BMP2K: variants seen among roughly 807,000 people sequenced by gnomAD.
BMP2K encodes the protein BMP2 inducible kinase.
A neutral mutation model predicts 116.0 loss-of-function variants in BMP2K; 74 were observed. The observed-to-expected ratio is 0.64, with a 90% CI of 0.53 to 0.77. The LOEUF is 0.77. BMP2K is among the 30% of genes least tolerant of loss of function. BMP2K has a pLI of 0.00. For synonymous variants in BMP2K, 486 were observed against 502.5 expected (o/e 0.97, Z 0.44); for missense variants, 1,365 against 1,403.6 (o/e 0.97, Z 0.44).
chr4:78,894,763 A>G (rs975653158), intron 15 of BMP2K, among the ~76,000 whole-genome samples: 5 of 152,294 alleles, frequency 3.3e-5, no homozygotes, highest in African/African-American at 1.2e-4. Flanking sequence ...CTTTTGACCT[A>G]TCTCAGCTTT....
intron 14 of BMP2K, among the ~76,000 whole-genome samples, chr4:78,884,078 G>C (rs1310116719): frequency 1.3e-5 from 2 of 151,884 alleles, no homozygotes; most frequent in African/African-American, 2.4e-5. Flanking sequence ...GGGTGTGGTG[G>C]CTCCTGCCTA....
chr4:78,851,816 G>A (rs1731264997), intron 7 of BMP2K, among the ~76,000 whole-genome samples: 1 of 151,984 alleles, frequency 6.6e-6, no homozygotes, highest in Non-Finnish European at 1.5e-5. Flanking sequence ...ATTTATAAGA[G>A]TAGAATGTGG....
intron 14 of BMP2K, among the ~76,000 whole-genome samples, chr4:78,886,127 C>G (rs550105011): frequency 1.3e-3 from 191 of 152,264 alleles, no homozygotes; most frequent in Admixed American, 1.1e-3. Flanking sequence ...TCCCAGAGTG[C>G]TGGGATTATA....
chr4:78,876,760 G>A (rs985003799), intron 13 of BMP2K, among the ~76,000 whole-genome samples: 2 of 152,110 alleles, frequency 1.3e-5, no homozygotes, highest in Non-Finnish European at 2.9e-5. Context: ...ACATTGTCTC[G>A]TTCTTATGCT....
At chr4:78,851,999 C>T (rs76725846) in intron 7 of BMP2K, among the ~76,000 whole-genome samples, 3,198 of 151,744 alleles carry the variant, frequency 0.021, 102 homozygotes, top group African/African-American at 0.073. Context: ...TTATGAAGCT[C>T]GTGTAAATCA....
At chr4:78,783,696 C>T (rs1414175352) in intron 1 of BMP2K, among the ~76,000 whole-genome samples, 2 of 152,094 alleles carry the variant, frequency 1.3e-5, no homozygotes, top group Non-Finnish European at 2.9e-5. Flanking sequence ...ATAACAGCTA[C>T]TCATGAGGCT....
chr4:78,826,210 T>G, intron 2 of BMP2K, 55 bp downstream of exon 2: 1 of 1,422,534 alleles, frequency 7.0e-7, no homozygotes, highest in Non-Finnish European at 9.9e-7. Flanking sequence ...ATTTTTTATT[T>G]TTCTTGGGAT....
At chr4:78,898,390 G>A (rs563284254) in intron 15 of BMP2K, among the ~76,000 whole-genome samples, 14 of 151,970 alleles carry the variant, frequency 9.2e-5, no homozygotes, top group African/African-American at 3.1e-4. Context: ...TTAGATTCTA[G>A]TGTATGATTC....
chr4:78,836,522 C>T (rs35220769), intron 3 of BMP2K, among the ~76,000 whole-genome samples: 2,210 of 152,212 alleles, frequency 0.015, 26 homozygotes, highest in Admixed American at 0.028. Context: ...GGGGAGACTT[C>T]GATCATCCTG....
intron 1 of BMP2K, among the ~76,000 whole-genome samples, chr4:78,796,116 CA>C (rs1471803976): frequency 3.3e-5 from 5 of 152,030 alleles, no homozygotes; most frequent in African/African-American, 1.2e-4. Context: ...GCAGCATTCA[CA>C]ATAGCAAAGA....
At chr4:78,829,787 T>TTTTCTCTTTTCTCTTCTCTTCTCTTCTC in intron 2 of BMP2K, among the ~76,000 whole-genome samples, 1 of 86,594 alleles carries the variant, frequency 1.2e-5, no homozygotes, top group Non-Finnish European at 2.3e-5. Context: ...TTTCTTTTCT[T>TTTTCTCTTTTCTCTTCTCTTCTCTTCTC]TTCTCTTCTC....
chr4:78,822,239 C>G (rs1729653552), intron 1 of BMP2K, among the ~76,000 whole-genome samples: 1 of 152,162 alleles, frequency 6.6e-6, no homozygotes, highest in Admixed American at 6.5e-5. Context: ...ACTACTCTCT[C>G]ATTTTAATCT....
intron 15 of BMP2K, among the ~76,000 whole-genome samples, chr4:78,908,731 A>G (rs1734412027): frequency 6.6e-6 from 1 of 152,086 alleles, no homozygotes; most frequent in South Asian, 2.1e-4. Flanking sequence ...TCACTTTCCA[A>G]CTTACTCATT....
At chr4:78,794,622 G>A (rs1728165238) in intron 1 of BMP2K, among the ~76,000 whole-genome samples, 1 of 152,092 alleles carries the variant, frequency 6.6e-6, no homozygotes, top group Admixed American at 6.5e-5. Flanking sequence ...CATGGTAGTA[G>A]CATGATCTTG....
chr4:78,890,704 T>C lies in BMP2K; in HGVS notation c.2062+3420T>C, dbSNP rs140901262. 1.2e-4 allele frequency among the ~76,000 whole-genome samples: 19 copies of C among 152,358 alleles called. No individual in the cohort carries two copies. In the East Asian group the frequency reaches 3.5e-3, roughly 28 times the overall value. On this transcript the variant is annotated intron_variant, in intron 15 of 15. Transcript: ENST00000502613. ...AGTTTAAGGTGGCTATCATTTTCAT[T>C]CTTCATTACATCTCTCATGGAGCTC...
chr4:78,864,387 A>C (rs957697228), intron 9 of BMP2K, among the ~76,000 whole-genome samples: 2 of 151,820 alleles, frequency 1.3e-5, no homozygotes, highest in African/African-American at 4.8e-5. Context: ...GATTACATAT[A>C]TATATACACC....
chr4:78,816,566 C>T (rs1219912563), intron 1 of BMP2K, among the ~76,000 whole-genome samples: 2 of 152,108 alleles, frequency 1.3e-5, no homozygotes, highest in Non-Finnish European at 2.9e-5. Flanking sequence ...TTAATGGTAT[C>T]TACTTTTATT....
intron 14 of BMP2K, among the ~76,000 whole-genome samples, chr4:78,884,151 G>C (rs1194134244): frequency 6.6e-6 from 1 of 152,008 alleles, no homozygotes; most frequent in Non-Finnish European, 1.5e-5. Flanking sequence ...GGGCAACATA[G>C]AGCTTATCTC....
At chr4:78,795,692 G>GA (rs1273906417) in intron 1 of BMP2K, among the ~76,000 whole-genome samples, 1 of 151,668 alleles carries the variant, frequency 6.6e-6, no homozygotes, top group African/African-American at 2.4e-5. Context: ...AAATTTCCAA[G>GA]AAAAAAACAA....
Sources: allele counts gnomAD v4.1 joint callset (sites outside exome capture counted in the v4.1 genomes callset), GRCh38; gene constraint gnomAD v4.1.1; transcripts MANE v1.5; gene names NCBI Gene and HGNC (gene_info 2026-07-23, HGNC 2026-07-21).